XKR4: variants seen among roughly 807,000 people sequenced by gnomAD.
XKR4 encodes the protein XK related 4, also known as XK-related protein 4.
Under a neutral mutation model 53.9 loss-of-function variants are expected in XKR4, and 12 were observed. The ratio of observed to expected loss-of-function variants is 0.22; its 90% CI spans 0.14 to 0.36. The LOEUF is 0.36. Ranked by LOEUF, XKR4 falls within the 10% of genes least tolerant of loss-of-function variation. XKR4 has a pLI of 1.00. For missense variants in XKR4, 799 were observed against 859.5 expected, an observed-to-expected ratio of 0.93 and a Z score of 0.88; for synonymous variants, 354 against 362.4, an observed-to-expected ratio of 0.98 and a Z score of 0.26.
At chr8:55,218,997 A>G (rs1048926676) in intron 1 of XKR4, among the ~76,000 whole-genome samples, 1 of 142,802 alleles carries the variant, frequency 7.0e-6, no homozygotes, top group Non-Finnish European at 1.5e-5. Context: ...CTCAAATCAA[A>G]TTCTAGAAGC....
intron 1 of XKR4, among the ~76,000 whole-genome samples, chr8:55,256,373 T>C (rs1416512779): frequency 6.6e-6 from 1 of 152,156 alleles, no homozygotes; most frequent in Non-Finnish European, 1.5e-5. Context: ...GTATGGAGAA[T>C]GGATTTGAGA....
rs562214540 is a variant in XKR4 at position 55,344,750 on chromosome 8, G to A, written c.807-12928G>A. Among the ~76,000 whole-genome samples, 6 of 152,182 alleles carry A rather than the reference G, an allele frequency of 3.9e-5. No individual in the cohort carries two copies. In the South Asian group the frequency reaches 6.2e-4, roughly 16 times the overall value. ...AGCAACTTCCTCTCCTATTTCAGCC[G>A]GACTCACCAAGTTGCCCAAGAGGCC... On this transcript the variant is annotated intron_variant, in intron 1 of 2. Coordinates refer to ENST00000327381, the MANE Select transcript of XKR4 (RefSeq NM_052898.2).
At chr8:55,145,035 T>A (rs1028237043) in intron 1 of XKR4, among the ~76,000 whole-genome samples, 2 of 152,116 alleles carry the variant, frequency 1.3e-5, no homozygotes, top group South Asian at 2.1e-4. Flanking sequence ...TTTCATCATG[T>A]TGGCCAAGCT....
At chr8:55,509,440 T>C (rs993306076) in intron 2 of XKR4, among the ~76,000 whole-genome samples, 3 of 152,206 alleles carry the variant, frequency 2.0e-5, no homozygotes, top group African/African-American at 7.2e-5. Flanking sequence ...AAACATGCAA[T>C]GATTTAGGTC....
At chr8:55,336,097 T>C (rs971077330) in intron 1 of XKR4, among the ~76,000 whole-genome samples, 33 of 148,572 alleles carry the variant, frequency 2.2e-4, no homozygotes, top group South Asian at 4.3e-4. Context: ...GTGGGTGATA[T>C]GGTTTGGCTG....
chr8:55,500,167 C>T (rs140479746), intron 2 of XKR4, among the ~76,000 whole-genome samples: 1 of 126,648 alleles, frequency 7.9e-6, no homozygotes, highest in African/African-American at 2.9e-5. Flanking sequence ...AGCATCTGCT[C>T]CTTCAAATTG....
chr8:55,313,679 T>G (rs1038220510), intron 1 of XKR4, among the ~76,000 whole-genome samples: 1 of 152,222 alleles, frequency 6.6e-6, no homozygotes, highest in Non-Finnish European at 1.5e-5. Flanking sequence ...AATGCCATTC[T>G]TTTACAGAAA....
At chr8:55,244,682 C>T (rs1179391228) in intron 1 of XKR4, among the ~76,000 whole-genome samples, 2 of 151,200 alleles carry the variant, frequency 1.3e-5, no homozygotes, top group Non-Finnish European at 2.9e-5. Flanking sequence ...ATTCCACCAG[C>T]AGTGTATAAG....
intron 1 of XKR4, among the ~76,000 whole-genome samples, chr8:55,151,319 A>ATT (rs754418151): frequency 6.6e-6 from 1 of 152,226 alleles, no homozygotes; most frequent in Non-Finnish European, 1.5e-5. Flanking sequence ...ACAGTAAAAG[A>ATT]AGCTGAGGCT....
intron 1 of XKR4, among the ~76,000 whole-genome samples, chr8:55,181,578 G>A (rs1158841554): frequency 6.6e-6 from 1 of 152,134 alleles, no homozygotes; most frequent in Non-Finnish European, 1.5e-5. Context: ...TAATTTGTAT[G>A]CATTTTAGAA....
chr8:55,490,734 C>T (rs1478364732), intron 2 of XKR4, among the ~76,000 whole-genome samples: 1 of 152,226 alleles, frequency 6.6e-6, no homozygotes, highest in Admixed American at 6.5e-5. Flanking sequence ...ACTCTGACTA[C>T]TTTTAAGATT....
chr8:55,335,222 G>A (rs1445505999), intron 1 of XKR4, among the ~76,000 whole-genome samples: 1 of 152,098 alleles, frequency 6.6e-6, no homozygotes. Context: ...CCAAGAAGCA[G>A]AAATCTAAAT....
At chr8:55,279,505 C>T (rs183557811) in intron 1 of XKR4, among the ~76,000 whole-genome samples, 1 of 152,270 alleles carries the variant, frequency 6.6e-6, no homozygotes, top group East Asian at 1.9e-4. Flanking sequence ...AATCTGTGAT[C>T]CTCTCCTCTA....
intron 2 of XKR4, among the ~76,000 whole-genome samples, chr8:55,436,751 T>C (rs1417455751): frequency 6.6e-6 from 1 of 152,196 alleles, no homozygotes; most frequent in Non-Finnish European, 1.5e-5. Flanking sequence ...AAATCACTTC[T>C]CTTCTTGGAG....
chr8:55,503,945 A>G (rs1361735369), intron 2 of XKR4, among the ~76,000 whole-genome samples: 11 of 151,980 alleles, frequency 7.2e-5, no homozygotes, highest in Admixed American at 6.6e-4. Flanking sequence ...CTTTTTTTGC[A>G]TCTATTGAGA....
chr8:55,504,295 C>T (rs1389884308), intron 2 of XKR4, among the ~76,000 whole-genome samples: 2 of 151,900 alleles, frequency 1.3e-5, no homozygotes, highest in Non-Finnish European at 2.9e-5. Context: ...TCACTGCAAC[C>T]TCCACCTCCC....
At position 55,513,556 on chromosome 8, in the gene XKR4, G is replaced by A. The variant is rs75138545; in HGVS notation, c.1007-9725G>A. On this transcript the variant is annotated intron_variant, in intron 2 of 2. Coordinates refer to ENST00000327381, the MANE Select transcript of XKR4 (RefSeq NM_052898.2). Reference sequence around the variant, plus strand: ...GCTGTCCTGGAAATAATCAGGAAGTGTATCGAGATGTGGCATCTGCGGTCC... The same window carrying A: ...GCTGTCCTGGAAATAATCAGGAAGTATATCGAGATGTGGCATCTGCGGTCC... 7.0e-3 allele frequency among the ~76,000 whole-genome samples: 1,068 copies of A among 152,322 alleles called. 14 individuals carry two copies. The highest frequency in any genetic ancestry group is 7.4e-3 in the Non-Finnish European group (503 of 68,036).
intron 2 of XKR4, among the ~76,000 whole-genome samples, chr8:55,405,920 A>C (rs1463102348): frequency 1.3e-5 from 2 of 152,208 alleles, no homozygotes; most frequent in African/African-American, 4.8e-5. Flanking sequence ...TTCCACCTGC[A>C]TGCAGAAGGG....
intron 2 of XKR4, among the ~76,000 whole-genome samples, chr8:55,475,929 T>C (rs1223568304): frequency 6.6e-6 from 1 of 151,902 alleles, no homozygotes; most frequent in Non-Finnish European, 1.5e-5. Context: ...TAATTTTCTG[T>C]AGACACAGGG....
Sources: gnomAD v4.1 joint callset for allele counts (sites outside exome capture counted in the v4.1 genomes callset) on GRCh38, gnomAD v4.1.1 for gene constraint, MANE v1.5 for transcripts, NCBI Gene and HGNC (gene_info 2026-07-23, HGNC 2026-07-21) for gene names.